FUT9: variants seen among roughly 807,000 people sequenced by gnomAD.
FUT9 encodes the protein 4-galactosyl-N-acetylglucosaminide 3-alpha-L-fucosyltransferase 9.
A neutral mutation model predicts 29.7 loss-of-function variants in FUT9; 15 were observed. That is an observed-to-expected ratio of 0.51 (90% confidence interval 0.34 to 0.78). The LOEUF is 0.78. FUT9 is among the 30% of genes least tolerant of loss of function. The pLI is 0.01. For missense variants in FUT9, 319 were observed against 425.4 expected (o/e 0.75, Z 2.20); for synonymous variants, 169 against 153.7 (o/e 1.10, Z -0.74).
intron 1 of FUT9, among the ~76,000 whole-genome samples, chr6:96,101,642 A>G (rs12210170): frequency 0.17 from 26,096 of 151,836 alleles, 2,456 homozygotes; most frequent in Non-Finnish European, 0.19. Flanking sequence ...AGGCGGGGAA[A>G]TCTTCATTCT....
chr6:96,204,494 GT>G lies in FUT9; in HGVS notation c.*265del, dbSNP rs1773791081. On this transcript the variant is annotated 3_prime_UTR_variant, in exon 3 of 3. Transcript: ENST00000302103. ...TTCTTCATTATCATTTGTAAACATT[GT>G]TTTTTCACATTTTTGTAGTTGTCCA... 3.8e-6 allele frequency: 1 copy of G among 262,646 alleles called. No individual in the cohort carries two copies. The highest frequency in any genetic ancestry group is 1.7e-4 in the South Asian group (1 of 5,882). 16.3% of individuals were successfully genotyped at this position (262,646 alleles called of 1,614,324 possible).
rs539576257 is a variant in FUT9 at position 96,213,685 on chromosome 6, A to G, written c.*9450A>G. On this transcript the variant is annotated 3_prime_UTR_variant, in exon 3 of 3. Transcript: ENST00000302103. ...GTTATTTTAAGCACACTAATTAGTCATCTGGATTTTTATAGATAAAATCAC... is the reference window on the plus strand; with the variant it reads ...GTTATTTTAAGCACACTAATTAGTCGTCTGGATTTTTATAGATAAAATCAC... 5.4e-5 allele frequency: 9 copies of G among 166,986 alleles called. No individual in the cohort carries two copies. In the East Asian group the frequency reaches 7.7e-4, roughly 14 times the overall value. The allele number at this position is 166,986 out of a possible 1,614,324, so 10.3% of individuals were successfully genotyped here.
chr6:96,114,572 G>A (rs1488658192), intron 2 of FUT9, among the ~76,000 whole-genome samples: 3 of 151,050 alleles, frequency 2.0e-5, no homozygotes, highest in Admixed American at 6.6e-5. Flanking sequence ...GGTAGATAAT[G>A]CCTGTACCAA....
intron 1 of FUT9, among the ~76,000 whole-genome samples, chr6:96,110,837 A>ATTTATTTATTT (rs1562128554): frequency 6.6e-6 from 1 of 151,378 alleles, no homozygotes. Flanking sequence ...TTATTTATTT[A>ATTTATTTATTT]TTTTTTGTAG....
At chr6:96,040,968 T>C (rs1770449093) in intron 1 of FUT9, among the ~76,000 whole-genome samples, 2 of 152,088 alleles carry the variant, frequency 1.3e-5, no homozygotes, top group African/African-American at 4.8e-5. Flanking sequence ...AATTCTCAGA[T>C]TTGAGCCTAC....
At chr6:96,099,562 A>G (rs759136857) in intron 1 of FUT9, among the ~76,000 whole-genome samples, 6 of 152,156 alleles carry the variant, frequency 3.9e-5, no homozygotes, top group African/African-American at 1.4e-4. Context: ...TTAAAATTAT[A>G]TGAAAATGAT....
chr6:96,078,386 CTCTTT>C (rs1039997043), intron 1 of FUT9, among the ~76,000 whole-genome samples: 2 of 102,140 alleles, frequency 2.0e-5, no homozygotes, highest in African/African-American at 7.1e-5. Context: ...TTGCTTTGAT[CTCTTT>C]CTTTCATATT....
intron 1 of FUT9, among the ~76,000 whole-genome samples, chr6:96,046,312 C>A (rs1159918547): frequency 6.6e-6 from 1 of 151,676 alleles, no homozygotes; most frequent in East Asian, 1.9e-4. Flanking sequence ...TTTTCTTATT[C>A]TTTTCTGTTC....
At chr6:96,044,262 A>T (rs916796753) in intron 1 of FUT9, among the ~76,000 whole-genome samples, 1 of 152,196 alleles carries the variant, frequency 6.6e-6, no homozygotes, top group Non-Finnish European at 1.5e-5. Flanking sequence ...AGATAGCATG[A>T]CCTAAATAAT....
intron 2 of FUT9, among the ~76,000 whole-genome samples, chr6:96,142,559 A>G (rs567109281): frequency 1.3e-5 from 2 of 152,308 alleles, no homozygotes; most frequent in Admixed American, 1.3e-4. Flanking sequence ...AGATAGCACA[A>G]CTAAGTGAAT....
At chr6:96,144,258 T>C (rs1772523709) in intron 2 of FUT9, among the ~76,000 whole-genome samples, 1 of 152,192 alleles carries the variant, frequency 6.6e-6, no homozygotes, top group South Asian at 2.1e-4. Context: ...CGAATGATGG[T>C]ATTTGTTTGC....
chr6:96,212,466 T>C lies in FUT9; in HGVS notation c.*8231T>C. The stretch of plus-strand genomic sequence containing the variant: ...GATAATCTATCTTGAATATTTCATA[T>C]GTGATTTTAAAATAATTAATCAAAA... On this transcript the variant is annotated 3_prime_UTR_variant, in exon 3 of 3. Transcript: ENST00000302103. 1 of 410,474 alleles carries C rather than the reference T, an allele frequency of 2.4e-6. No individual in the cohort carries two copies. Among genetic ancestry groups the C allele is most frequent in the East Asian group, 3.6e-5 (1 of 27,988 alleles). The allele number at this position is 410,474 out of a possible 1,614,324, so 25.4% of individuals were successfully genotyped here.
chr6:96,078,964 C>A (rs1771189989), intron 1 of FUT9, among the ~76,000 whole-genome samples: 1 of 152,090 alleles, frequency 6.6e-6, no homozygotes. Context: ...CCTTAATCTT[C>A]TTATTTAAAC....
intron 1 of FUT9, among the ~76,000 whole-genome samples, chr6:96,068,412 C>T (rs746581537): frequency 8.6e-5 from 13 of 151,942 alleles, no homozygotes; most frequent in Non-Finnish European, 1.8e-4. Context: ...ACCAAAAATA[C>T]CCAATATGAA....
At chr6:96,147,487 C>T (rs763899383) in intron 2 of FUT9, among the ~76,000 whole-genome samples, 2 of 152,032 alleles carry the variant, frequency 1.3e-5, no homozygotes, top group Non-Finnish European at 2.9e-5. Context: ...TCATTATCCT[C>T]ATGTTTGTCC....
At chr6:96,044,792 T>A (rs1249953565) in intron 1 of FUT9, among the ~76,000 whole-genome samples, 1 of 152,216 alleles carries the variant, frequency 6.6e-6, no homozygotes, top group Non-Finnish European at 1.5e-5. Context: ...TTTTAAGTAA[T>A]CTTTTATTAT....
intron 2 of FUT9, among the ~76,000 whole-genome samples, chr6:96,176,624 A>T (rs2127984673): frequency 6.6e-6 from 1 of 152,258 alleles, no homozygotes; most frequent in East Asian, 1.9e-4. Context: ...TCGCCCAGAT[A>T]TTCTCTCCTT....
chr6:96,088,790 T>C (rs893334003), intron 1 of FUT9, among the ~76,000 whole-genome samples: 2 of 152,240 alleles, frequency 1.3e-5, no homozygotes, highest in African/African-American at 4.8e-5. Context: ...AAGTATTGCT[T>C]AACTGCTTAT....
intron 1 of FUT9, among the ~76,000 whole-genome samples, chr6:96,025,893 A>G (rs952131260): frequency 1.3e-5 from 2 of 151,582 alleles, no homozygotes; most frequent in African/African-American, 4.8e-5. Context: ...AGGACAATTT[A>G]TTTTTCACAG....
Sources: allele counts gnomAD v4.1 joint callset (sites outside exome capture counted in the v4.1 genomes callset), GRCh38; gene constraint gnomAD v4.1.1; transcripts MANE v1.5; gene names NCBI Gene and HGNC (gene_info 2026-07-23, HGNC 2026-07-21).